Variants in LUZP2 observed in about 807,000 individuals in gnomAD.
LUZP2 encodes the protein leucine zipper protein 2.
A neutral mutation model predicts 51.6 loss-of-function variants in LUZP2; 52 were observed. The ratio of observed to expected loss-of-function variants is 1.01; its 90% CI spans 0.81 to 1.27. The LOEUF (loss-of-function observed/expected upper bound fraction) is 1.27. Ranked by LOEUF, LUZP2 falls within the 50% of genes most tolerant of loss-of-function variation. The probability of loss-of-function intolerance (pLI) is 0.00; values close to 1 mark genes in which losing one functional copy is unlikely to be tolerated. For missense variants in LUZP2, 436 were observed against 395.4 expected, an observed-to-expected ratio of 1.10 and a Z score of -0.87; for synonymous variants, 154 against 137.3, an observed-to-expected ratio of 1.12 and a Z score of -0.85.
intron 7 of LUZP2, among the ~76,000 whole-genome samples, chr11:24,966,331 G>A (rs992623245): frequency 1.3e-5 from 2 of 151,254 alleles, no homozygotes; most frequent in African/African-American, 4.8e-5. Flanking sequence ...TTTCACTGAT[G>A]TACATTTTCT....
chr11:24,658,805 C>A (rs1236577882), intron 1 of LUZP2, among the ~76,000 whole-genome samples: 1 of 152,120 alleles, frequency 6.6e-6, no homozygotes, highest in Non-Finnish European at 1.5e-5. Context: ...ATGCAGCAAA[C>A]AGACACATGA....
At chr11:24,877,567 C>G (rs181552566) in intron 5 of LUZP2, among the ~76,000 whole-genome samples, 21 of 152,260 alleles carry the variant, frequency 1.4e-4, no homozygotes, top group Admixed American at 8.5e-4. Context: ...TCCACCTCCT[C>G]AAACATTTAT....
chr11:24,680,834 A>T (rs1856708879), intron 1 of LUZP2, among the ~76,000 whole-genome samples: 1 of 152,214 alleles, frequency 6.6e-6, no homozygotes, highest in East Asian at 1.9e-4. Context: ...TCAACGGATA[A>T]TCTACCTGAC....
chr11:24,784,866 T>G (rs1849196817), intron 5 of LUZP2, among the ~76,000 whole-genome samples: 1 of 152,118 alleles, frequency 6.6e-6, no homozygotes, highest in African/African-American at 2.4e-5. Context: ...TGATATACAT[T>G]TATGCATATA....
intron 5 of LUZP2, among the ~76,000 whole-genome samples, chr11:24,838,649 G>A (rs1237470250): frequency 6.6e-6 from 1 of 151,508 alleles, no homozygotes; most frequent in Admixed American, 6.6e-5. Flanking sequence ...GCCTTCAGAT[G>A]TTTTTGAAAA....
intron 7 of LUZP2, among the ~76,000 whole-genome samples, chr11:24,958,600 G>A (rs71478112): frequency 0.37 from 55,733 of 151,568 alleles, 12,537 homozygotes; most frequent in East Asian, 0.7. Flanking sequence ...TGATGGGGTT[G>A]TTTGTTTTTT....
At chr11:24,619,728 T>C (rs1421202267) in intron 1 of LUZP2, among the ~76,000 whole-genome samples, 3 of 152,214 alleles carry the variant, frequency 2.0e-5, no homozygotes, top group Non-Finnish European at 4.4e-5. Context: ...TGATCTTGTA[T>C]ACTTTAAATC....
intron 1 of LUZP2, among the ~76,000 whole-genome samples, chr11:24,644,988 A>G (rs572105100): frequency 4.6e-5 from 7 of 152,268 alleles, no homozygotes; most frequent in African/African-American, 1.4e-4. Flanking sequence ...AAATCACTTT[A>G]TAGATCCTGA....
intron 4 of LUZP2, among the ~76,000 whole-genome samples, chr11:24,754,298 G>A (rs553866222): frequency 2.0e-5 from 3 of 151,554 alleles, no homozygotes; most frequent in African/African-American, 7.3e-5. Context: ...TGCTCTGCCA[G>A]TGTTTTCTTT....
chr11:24,754,592 C>T (rs769920004), intron 4 of LUZP2, among the ~76,000 whole-genome samples: 1 of 152,070 alleles, frequency 6.6e-6, no homozygotes, highest in Non-Finnish European at 1.5e-5. Flanking sequence ...AGTGAATGTC[C>T]CTGACATCAT....
intron 10 of LUZP2, among the ~76,000 whole-genome samples, chr11:25,053,824 C>T (rs1440284202): frequency 6.6e-6 from 1 of 152,068 alleles, no homozygotes; most frequent in South Asian, 2.1e-4. Flanking sequence ...TGTAGAATTG[C>T]TGGGTTTGAT....
chr11:24,909,521 G>T (rs1355878754), intron 6 of LUZP2, among the ~76,000 whole-genome samples: 2 of 149,414 alleles, frequency 1.3e-5, no homozygotes, highest in African/African-American at 4.9e-5. Context: ...AACAAAAGAA[G>T]AAAGTCTGTT....
At chr11:24,769,583 T>C (rs534973632) in intron 5 of LUZP2, among the ~76,000 whole-genome samples, 57 of 151,870 alleles carry the variant, frequency 3.8e-4, no homozygotes, top group African/African-American at 1.4e-3. Context: ...GATAAAATAA[T>C]GAAAAACACA....
At chr11:24,552,579 A>T (rs182314091) in intron 1 of LUZP2, among the ~76,000 whole-genome samples, 12 of 152,160 alleles carry the variant, frequency 7.9e-5, no homozygotes, top group African/African-American at 1.9e-4. Flanking sequence ...GAAACAATAA[A>T]CTATAAGAAC....
chr11:25,044,639 G>C (rs921826748), intron 9 of LUZP2, among the ~76,000 whole-genome samples: 3 of 152,032 alleles, frequency 2.0e-5, no homozygotes, highest in Non-Finnish European at 4.4e-5. Flanking sequence ...AACCATTGTG[G>C]AAGTCAGTGT....
intron 7 of LUZP2, among the ~76,000 whole-genome samples, chr11:24,960,385 T>C (rs1456904057): frequency 6.6e-6 from 1 of 152,166 alleles, no homozygotes; most frequent in Non-Finnish European, 1.5e-5. Flanking sequence ...GGTCCTGGAC[T>C]CTTTTTGGTT....
At chr11:25,031,418 T>C (rs1857682346) in intron 9 of LUZP2, among the ~76,000 whole-genome samples, 1 of 152,194 alleles carries the variant, frequency 6.6e-6, no homozygotes, top group Non-Finnish European at 1.5e-5. Flanking sequence ...TGTTTTCCAA[T>C]GGATTTAAAG....
intron 5 of LUZP2, among the ~76,000 whole-genome samples, chr11:24,841,290 C>T (rs761256251): frequency 7.2e-5 from 11 of 151,990 alleles, no homozygotes; most frequent in Non-Finnish European, 4.4e-5. Context: ...AGGTGGCTGC[C>T]TACAAGCAAA....
chr11:24,707,492 C>T (rs1421133044), intron 1 of LUZP2, among the ~76,000 whole-genome samples: 1 of 152,050 alleles, frequency 6.6e-6, no homozygotes, highest in African/African-American at 2.4e-5. Context: ...GATACTAGAA[C>T]TCTTAGATAT....
Sources: allele counts gnomAD v4.1 joint callset (sites outside exome capture counted in the v4.1 genomes callset), GRCh38; gene constraint gnomAD v4.1.1; transcripts MANE v1.5; gene names NCBI Gene and HGNC (gene_info 2026-07-23, HGNC 2026-07-21).